TM2D3: variants seen among roughly 807,000 people sequenced by gnomAD.
TM2D3 encodes the protein TM2 domain containing 3.
A neutral mutation model predicts 27.3 loss-of-function variants in TM2D3; 33 were observed. The observed-to-expected ratio is 1.21, with a 90% CI of 0.92 to 1.61. TM2D3 has a LOEUF of 1.61. Among genes scored for constraint, TM2D3 ranks in the 40% most tolerant of loss-of-function variants. The pLI, the probability that TM2D3 is intolerant of heterozygous loss-of-function variation, is 0.00. For synonymous variants in TM2D3, 138 were observed against 122.2 expected, an observed-to-expected ratio of 1.13 and a Z score of -0.85; for missense variants, 364 against 320.8, an observed-to-expected ratio of 1.13 and a Z score of -1.03.
chr15:101,646,668 T>C, intron 4 of TM2D3, 57 bp downstream of exon 4: 1 of 1,604,290 alleles, frequency 6.2e-7, no homozygotes, highest in Non-Finnish European at 8.5e-7. Context: ...TTAAAGTCCC[T>C]TCAATAAACT....
chr15:101,643,912 C>T (rs1420108530), intron 5 of TM2D3, among the ~76,000 whole-genome samples: 23 of 152,064 alleles, frequency 1.5e-4, no homozygotes, highest in Admixed American at 1.3e-3. Flanking sequence ...TGCAGTGGTG[C>T]AATGCCAGCT....
At chr15:101,644,224 A>T (rs951308539) in intron 5 of TM2D3, among the ~76,000 whole-genome samples, 1 of 152,090 alleles carries the variant, frequency 6.6e-6, no homozygotes, top group Admixed American at 6.6e-5. Flanking sequence ...GCCAGGCAAG[A>T]TCCTTCTTTC....
intron 3 of TM2D3, among the ~76,000 whole-genome samples, chr15:101,649,420 A>G (rs371404376): frequency 6.6e-6 from 1 of 151,908 alleles, no homozygotes; most frequent in East Asian, 1.9e-4. Flanking sequence ...CCATTTTGGG[A>G]TTATAACAGC....
At chr15:101,643,258 A>C (rs573280108) in intron 5 of TM2D3, among the ~76,000 whole-genome samples, 108 of 152,294 alleles carry the variant, frequency 7.1e-4, no homozygotes, top group African/African-American at 2.5e-3. Flanking sequence ...TCCCCTCCAG[A>C]GTACCCTGAA....
chr15:101,633,796 G>C, intron 4 of TM2D3: 1 of 1,328,176 alleles, frequency 7.5e-7, no homozygotes, highest in Middle Eastern at 1.9e-4. Context: ...TATCCAACAT[G>C]TCCAGGAGAC....
intron 5 of TM2D3, among the ~76,000 whole-genome samples, chr15:101,644,625 T>C (rs547116474): frequency 6.6e-6 from 1 of 152,314 alleles, no homozygotes; most frequent in East Asian, 1.9e-4. Flanking sequence ...AAAGTACTGT[T>C]GAGAAGTTTA....
chr15:101,644,771 T>G (rs752570020), intron 5 of TM2D3, among the ~76,000 whole-genome samples: 1 of 152,224 alleles, frequency 6.6e-6, no homozygotes, highest in Non-Finnish European at 1.5e-5. Flanking sequence ...CTTTTTATAA[T>G]AGTTACTTAA....
At chr15:101,648,378 C>T (rs902266447) in intron 3 of TM2D3, 3 of 152,190 alleles carry the variant, frequency 2.0e-5, no homozygotes, top group African/African-American at 7.2e-5. Flanking sequence ...GGTAAGGCAT[C>T]ACTTGATTTA....
At chr15:101,636,310 T>C (rs1235748869) in intron 4 of TM2D3, 4 of 152,164 alleles carry the variant, frequency 2.6e-5, no homozygotes, top group Non-Finnish European at 5.9e-5. Context: ...GGTGGGGGAT[T>C]GCAATCCAAG....
chr15:101,642,284 A>T lies in TM2D3; in HGVS notation c.*195T>A, dbSNP rs918823268. On this transcript the variant is annotated 3_prime_UTR_variant, in exon 6 of 6. Coordinates refer to ENST00000333202, the MANE Select transcript of TM2D3 (RefSeq NM_078474.3). ...CGTTTTAATTTTTTCACAGAAAAAA[A>T]TATATTTCAGGCAAATAAAAACAAA... The T allele has an allele frequency of 8.0e-7, 1 of 1,251,604 alleles. No individual in the cohort carries two copies. The highest frequency in any genetic ancestry group is 1.5e-5 in the African/African-American group (1 of 64,790). The allele number at this position is 1,251,604 out of a possible 1,614,324, so 77.5% of individuals were successfully genotyped here. A position where few individuals can be genotyped will look rare whatever the true frequency, so the allele number is the denominator to read the frequency against.
At chr15:101,637,451 T>C (rs1005265126), downstream of TM2D3, among the ~76,000 whole-genome samples, 1 of 152,208 alleles carries the variant, frequency 6.6e-6, no homozygotes, top group Non-Finnish European at 1.5e-5. Context: ...CATTTCAAGA[T>C]ATGGCAAAGA....
chr15:101,645,391 A>G (rs1190988252), intron 4 of TM2D3: 1 of 544,476 alleles, frequency 1.8e-6, no homozygotes, highest in East Asian at 3.2e-5. Flanking sequence ...TCACCCACAT[A>G]TCAAGACCTA....
rs745732541 is a variant in TM2D3, at chr15:101,648,908, TCAA to T, written c.327+1093_327+1095del. ...AATTCCTACATGTACAACTACGAGC[TCAA>T]CGATTGTGTGCATGTGTAAGTTTAA... On this transcript the variant is annotated intron_variant, in intron 3 of 5. Coordinates refer to ENST00000333202, the MANE Select transcript of TM2D3 (RefSeq NM_078474.3). Among the ~76,000 whole-genome samples the T allele has an allele frequency of 4.6e-5, 7 of 152,218 alleles. No individual in the cohort carries two copies. In the East Asian group the frequency reaches 5.8e-4, roughly 13 times the overall value.
chr15:101,651,554 C>T, intron 2 of TM2D3, 142 bp downstream of exon 2: 3 of 815,966 alleles, frequency 3.7e-6, no homozygotes, highest in Non-Finnish European at 5.9e-6. Context: ...TGTGTATCTA[C>T]CCTTAATTCA....
chr15:101,638,469 G>C (rs1021333179), downstream of TM2D3, among the ~76,000 whole-genome samples: 19 of 151,952 alleles, frequency 1.3e-4, no homozygotes, highest in African/African-American at 3.9e-4. Flanking sequence ...TAATTGTTTT[G>C]TATTTTTAGT....
chr15:101,642,001 T>G lies in TM2D3; in HGVS notation c.*478A>C. ...CTACATATGTATTACACTGCAAAAC[T>G]TACACATGACTGAAGCTGAGCCTAA... On this transcript the variant is annotated 3_prime_UTR_variant, in exon 6 of 6. Transcript: ENST00000333202. 1 of 985,928 alleles carries G rather than the reference T, an allele frequency of 1.0e-6. No individual in the cohort carries two copies. Among genetic ancestry groups the G allele is most frequent in the Non-Finnish European group, 1.2e-6 (1 of 830,142 alleles). 61.1% of individuals were successfully genotyped at this position (985,928 alleles called of 1,614,324 possible). A position where few individuals can be genotyped will look rare whatever the true frequency, so the allele number is the denominator to read the frequency against.
chr15:101,646,116 G>A (rs62027583), intron 4 of TM2D3: 19,739 of 152,262 alleles, frequency 0.13, 1,468 homozygotes, highest in Non-Finnish European at 0.16. Flanking sequence ...CAAATATATT[G>A]GAGAATAAAC....
intron 3 of TM2D3, among the ~76,000 whole-genome samples, chr15:101,647,380 T>C (rs1292941072): frequency 1.3e-5 from 2 of 152,188 alleles, no homozygotes; most frequent in Non-Finnish European, 2.9e-5. Context: ...GCTTCTGTAA[T>C]GGTTAACACA....
rs1896977838 is a variant in TM2D3 at position 101,651,753 on chromosome 15, G to C, written c.112C>G (p.Gln38Glu). 6.2e-7 allele frequency: 1 copy of C among 1,614,076 alleles called. No homozygotes were observed. Among genetic ancestry groups the C allele is most frequent in the African/African-American group, 1.3e-5 (1 of 74,924 alleles). The change falls in exon 2 of 6, where the codon CAG becomes GAG. Residue 38 changes from glutamine to glutamate, a missense_variant. Gln to Glu is a conservative substitution (Grantham distance 29). Transcript: ENST00000333202. Reference protein sequence around the residue: ...SGGEQSQALAQSIKDPGPTRT... With the variant: ...SGGEQSQALAESIKDPGPTRT... ...GTTGGGCCCGGATCCTTTATTGACT[G>C]AGCCAGCGCCTGCGATTGCTCTAAA...
Sources: gnomAD v4.1 joint callset for allele counts (sites outside exome capture counted in the v4.1 genomes callset) on GRCh38, gnomAD v4.1.1 for gene constraint, MANE v1.5 for transcripts, NCBI Gene and HGNC (gene_info 2026-07-23, HGNC 2026-07-21) for gene names.